Variants in CLEC16A observed in about 807,000 individuals in gnomAD.
The protein encoded by CLEC16A is C-type lectin domain containing 16A.
A neutral mutation model predicts 109.5 loss-of-function variants in CLEC16A; 51 were observed. That is an observed-to-expected ratio of 0.47 (90% confidence interval 0.37 to 0.59). The LOEUF is 0.59. Among genes scored for constraint, CLEC16A ranks in the 20% least tolerant of loss-of-function variants. The probability of loss-of-function intolerance (pLI) is 0.00; values close to 1 mark genes in which losing one functional copy is unlikely to be tolerated. For synonymous variants in CLEC16A, 673 were observed against 564.2 expected (o/e 1.19, Z -2.73); for missense variants, 1,339 against 1,394.0 (o/e 0.96, Z 0.63).
intron 14 of CLEC16A, chr16:11,041,380 G>A (rs1273451888): frequency 1.3e-5 from 2 of 152,216 alleles, no homozygotes; most frequent in Non-Finnish European, 2.9e-5. Flanking sequence ...AATACAAGCA[G>A]ACAAAGCTGT....
In CLEC16A at chr16:10,971,208, C is replaced by T. The variant is rs2042769556; in HGVS notation, c.576C>T (p.Thr192=). The T allele has an allele frequency of 6.2e-7, 1 of 1,612,772 alleles. No homozygotes were observed. Among genetic ancestry groups the T allele is most frequent in the African/African-American group, 1.3e-5 (1 of 74,850 alleles). ...PESMVRIAVR[T]ITLNVYKVSL... ...GCATGGTTAGAATTGCTGTAAGAACCATAACTTTGAATGTCTATAAAGGTA... is the reference window on the plus strand; with the variant it reads ...GCATGGTTAGAATTGCTGTAAGAACTATAACTTTGAATGTCTATAAAGGTA... The change falls in exon 5 of 24, where the codon ACC becomes ACT. Residue 192 remains threonine, a synonymous_variant. Transcript: ENST00000409790.
At chr16:11,148,444 T>A (rs1043648380) in intron 22 of CLEC16A, among the ~76,000 whole-genome samples, 1 of 152,170 alleles carries the variant, frequency 6.6e-6, no homozygotes, top group African/African-American at 2.4e-5. Context: ...GAGCAATTAC[T>A]GCATATCAGA....
At chr16:11,157,334 G>A (rs2054571863) in intron 22 of CLEC16A, 1 of 751,116 alleles carries the variant, frequency 1.3e-6, no homozygotes, top group South Asian at 2.4e-5. Context: ...TGCCTGATGT[G>A]TAGACCTGCG....
chr16:10,989,904 G>A (rs1399195253), intron 10 of CLEC16A, among the ~76,000 whole-genome samples: 1 of 152,174 alleles, frequency 6.6e-6, no homozygotes, highest in Non-Finnish European at 1.5e-5. Flanking sequence ...ACTTGTATCC[G>A]ATGTCAGCCG....
At chr16:11,110,398 G>A (rs898071761) in intron 19 of CLEC16A, among the ~76,000 whole-genome samples, 1 of 152,202 alleles carries the variant, frequency 6.6e-6, no homozygotes. Flanking sequence ...GGAGCAGCCA[G>A]GGATGAGGGG....
chr16:11,073,126 A>G (rs1404312356), intron 19 of CLEC16A, among the ~76,000 whole-genome samples: 1 of 152,194 alleles, frequency 6.6e-6, no homozygotes, highest in Non-Finnish European at 1.5e-5. Context: ...GAAACCCAAG[A>G]GGCAAGTATG....
intron 12 of CLEC16A, among the ~76,000 whole-genome samples, chr16:11,023,772 G>C (rs1238864876): frequency 3.3e-5 from 5 of 152,182 alleles, no homozygotes; most frequent in Non-Finnish European, 7.3e-5. Context: ...TGGAGCTTGG[G>C]TGTCCTTCCA....
chr16:10,971,504 T>C, intron 5 of CLEC16A: 1 of 976,256 alleles, frequency 1.0e-6, no homozygotes, highest in Non-Finnish European at 1.2e-6. Flanking sequence ...AGAGTGGCTA[T>C]GTTTTAGAAT....
rs142090668 is a variant in CLEC16A at position 10,999,891 on chromosome 16, C to T, written c.1072-3183C>T. ...ACTCTGTTGTGCCCAGGCTGGAGTG[C>T]GGTGGTTTAATCTTGGTTTACTTCA... On this transcript the variant is annotated intron_variant, in intron 10 of 23. Transcript: ENST00000409790. Among the ~76,000 whole-genome samples, 780 of 152,252 alleles carry T rather than the reference C, an allele frequency of 5.1e-3. 5 individuals carry two copies. Among genetic ancestry groups the T allele is most frequent in the Middle Eastern group, 0.017 (5 of 294 alleles).
At chr16:11,033,356 A>C (rs1308555784) in intron 13 of CLEC16A, among the ~76,000 whole-genome samples, 1 of 152,104 alleles carries the variant, frequency 6.6e-6, no homozygotes, top group Non-Finnish European at 1.5e-5. Flanking sequence ...TCCCTGTGTG[A>C]CCAATAGTGC....
chr16:10,987,352 G>T (rs1002542962), intron 10 of CLEC16A, among the ~76,000 whole-genome samples: 2 of 152,156 alleles, frequency 1.3e-5, no homozygotes, highest in African/African-American at 2.4e-5. Flanking sequence ...CAAACTGCGG[G>T]TTACTGGCAA....
intron 11 of CLEC16A, among the ~76,000 whole-genome samples, chr16:11,008,705 A>C (rs748809918): frequency 6.6e-6 from 1 of 151,744 alleles, no homozygotes; most frequent in Admixed American, 6.6e-5. Flanking sequence ...TGTTAAGTAC[A>C]TTCGGCTGGG....
At chr16:11,101,027 A>C (rs1188189842) in intron 19 of CLEC16A, among the ~76,000 whole-genome samples, 2 of 152,192 alleles carry the variant, frequency 1.3e-5, no homozygotes, top group Non-Finnish European at 2.9e-5. Context: ...TGCTTGGCCC[A>C]TAGTAGATAC....
In CLEC16A at chr16:10,962,600, C is replaced by T; in HGVS notation, c.343+12C>T. Reference sequence around the variant, plus strand: ...CGAGACCTCACTTTGTAAGGACATTCCTTGGTATTTGCCTCTGTGCTGCTG... The same window carrying T: ...CGAGACCTCACTTTGTAAGGACATTTCTTGGTATTTGCCTCTGTGCTGCTG... On this transcript the variant is annotated intron_variant, in intron 3 of 23. Transcript: ENST00000409790. 1 of 1,613,384 alleles carries T rather than the reference C, an allele frequency of 6.2e-7. No homozygotes were observed. The highest frequency in any genetic ancestry group is 8.5e-7 in the Non-Finnish European group (1 of 1,179,442).
intron 7 of CLEC16A, among the ~76,000 whole-genome samples, chr16:10,975,524 G>A (rs2042990932): frequency 6.6e-6 from 1 of 152,188 alleles, no homozygotes; most frequent in African/African-American, 2.4e-5. Context: ...CTTATTAAGT[G>A]GGAGAAAAGT....
intron 11 of CLEC16A, among the ~76,000 whole-genome samples, chr16:11,010,781 G>A (rs1415497987): frequency 6.6e-6 from 1 of 152,150 alleles, no homozygotes; most frequent in Non-Finnish European, 1.5e-5. Context: ...GCCTTCCGTT[G>A]TCACGCCTCC....
At chr16:11,055,962 G>C (rs1367831968) in intron 18 of CLEC16A, among the ~76,000 whole-genome samples, 1 of 152,096 alleles carries the variant, frequency 6.6e-6, no homozygotes, top group Non-Finnish European at 1.5e-5. Context: ...CTAGGTGTCA[G>C]GCTCTGAGTA....
At chr16:10,971,088 G>A in intron 4 of CLEC16A, 37 bp from the exon 5 acceptor site, 4 of 1,410,854 alleles carry the variant, frequency 2.8e-6, no homozygotes, top group Non-Finnish European at 3.0e-6. Flanking sequence ...CTGGCTTATG[G>A]GCTTATAATT....
At chr16:10,984,158 G>A (rs904063559) in intron 10 of CLEC16A, among the ~76,000 whole-genome samples, 25 of 152,170 alleles carry the variant, frequency 1.6e-4, no homozygotes, top group African/African-American at 6.0e-4. Flanking sequence ...ACATGAATGG[G>A]TGGAATGTGA....
Sources: allele counts gnomAD v4.1 joint callset (sites outside exome capture counted in the v4.1 genomes callset), GRCh38; gene constraint gnomAD v4.1.1; transcripts MANE v1.5; gene names NCBI Gene and HGNC (gene_info 2026-07-23, HGNC 2026-07-21).